PDZD2: variants seen among roughly 807,000 people sequenced by gnomAD.
PDZD2 encodes the protein PDZ domain-containing protein 2.
A neutral mutation model predicts 220.7 loss-of-function variants in PDZD2; 90 were observed. That is an observed-to-expected ratio of 0.41 (90% confidence interval 0.34 to 0.49). The LOEUF is 0.49. Among genes scored for constraint, PDZD2 ranks in the 20% least tolerant of loss-of-function variants. The pLI, the probability that PDZD2 is intolerant of heterozygous loss-of-function variation, is 0.28. For missense variants in PDZD2, 3,174 were observed against 3,608.5 expected (o/e 0.88, Z 3.08); for synonymous variants, 1,375 against 1,450.5 (o/e 0.95, Z 1.18).
chr5:32,098,631 A>G lies in PDZD2; in HGVS notation c.8215A>G (p.Ile2739Val). Residue 2739 changes from isoleucine to valine, a missense_variant, in exon 23 of 25, where the codon ATT (isoleucine) becomes GTT (valine). Ile to Val is a conservative substitution (Grantham distance 29). This residue lies in a region of PDZD2 where 631 missense variants were observed against 789.9 expected (regional missense o/e 0.80). Coordinates refer to ENST00000438447, the MANE Select transcript of PDZD2 (RefSeq NM_178140.4). This position sits in a 1 kb window ranked among gnomAD's most constrained non-coding sequence, Gnocchi z 4.1. ...AAAGACCATCCCCCTGGAGCCTGGC[A>G]TTGGTAAGATGATCATTTCAACAAC... Reference protein sequence around the residue: ...SRKTIPLEPGIGRSVAVHDAL... With the variant: ...SRKTIPLEPGVGRSVAVHDAL... The G allele has an allele frequency of 6.2e-7, 1 of 1,611,998 alleles. No homozygotes were observed. Among genetic ancestry groups the G allele is most frequent in the Non-Finnish European group, 8.5e-7 (1 of 1,178,836 alleles).
chr5:31,798,401 C>A (rs576207975), intron 1 of PDZD2, among the ~76,000 whole-genome samples: 1 of 152,252 alleles, frequency 6.6e-6, no homozygotes, highest in South Asian at 2.1e-4. Context: ...TGGTGTTGAT[C>A]GGATCTTTCT....
rs142973779 is a variant in PDZD2, at chr5:31,819,741, C to T, written c.476+20017C>T. 8.7e-4 allele frequency among the ~76,000 whole-genome samples: 132 copies of T among 151,436 alleles called. 1 individual carries two copies. In the East Asian group the frequency reaches 0.024, roughly 28 times the overall value. ...TATGAGTATATGTAATGGATACATT[C>T]GTAGAAGTGGGATCCTCAAATGAAT... On this transcript the variant is annotated intron_variant, in intron 2 of 24. Transcript: ENST00000438447.
chr5:31,659,328 A>G (rs796387072), intron 1 of PDZD2, among the ~76,000 whole-genome samples: 7 of 152,094 alleles, frequency 4.6e-5, no homozygotes, highest in African/African-American at 1.7e-4. Flanking sequence ...GTCACCACCT[A>G]TGTACTGATC....
At chr5:31,840,177 C>T (rs1269870018) in intron 2 of PDZD2, among the ~76,000 whole-genome samples, 1 of 151,670 alleles carries the variant, frequency 6.6e-6, no homozygotes, top group African/African-American at 2.4e-5. Context: ...CTTGAGACTG[C>T]GGTGAGCCGT....
intron 6 of PDZD2, among the ~76,000 whole-genome samples, chr5:32,030,916 G>A (rs10223302): frequency 0.022 from 3,307 of 152,182 alleles, 119 homozygotes; most frequent in African/African-American, 0.076. Flanking sequence ...CGATAACTGT[G>A]TTCTGTTAGA....
At chr5:31,657,602 A>C (rs1222320760) in intron 1 of PDZD2, among the ~76,000 whole-genome samples, 1 of 152,170 alleles carries the variant, frequency 6.6e-6, no homozygotes, top group Admixed American at 6.5e-5. Flanking sequence ...AAGGTCCTGC[A>C]CTTGAATCTG....
At chr5:31,730,468 G>A (rs1749456921) in intron 1 of PDZD2, among the ~76,000 whole-genome samples, 1 of 152,142 alleles carries the variant, frequency 6.6e-6, no homozygotes, top group South Asian at 2.1e-4. Flanking sequence ...CACAGGAGAG[G>A]GTCGGCCCTC....
At chr5:31,867,226 A>G (rs187930780) in intron 2 of PDZD2, among the ~76,000 whole-genome samples, 1 of 152,336 alleles carries the variant, frequency 6.6e-6, no homozygotes, top group Admixed American at 6.5e-5. Context: ...GCTCATAAAA[A>G]AACCTAATGG....
intron 2 of PDZD2, among the ~76,000 whole-genome samples, chr5:31,861,461 T>A (rs1737700682): frequency 6.6e-6 from 1 of 152,194 alleles, no homozygotes; most frequent in Admixed American, 6.5e-5. Context: ...AGAATTCCTC[T>A]CTACTCTATT....
At chr5:31,739,368 CA>C (rs1028086676) in intron 1 of PDZD2, among the ~76,000 whole-genome samples, 15 of 146,914 alleles carry the variant, frequency 1.0e-4, no homozygotes, top group East Asian at 7.9e-4. Context: ...TTTATGGTAG[CA>C]AAAAAAAATG....
At chr5:31,718,492 G>A (rs1306054189) in intron 1 of PDZD2, among the ~76,000 whole-genome samples, 2 of 152,212 alleles carry the variant, frequency 1.3e-5, no homozygotes, top group Non-Finnish European at 2.9e-5. Flanking sequence ...TTATCCCACA[G>A]TTCTGGAGGT....
chr5:31,956,758 C>CAAAA (rs70957986), intron 2 of PDZD2, among the ~76,000 whole-genome samples: 1 of 73,704 alleles, frequency 1.4e-5, no homozygotes, highest in Non-Finnish European at 2.4e-5. Context: ...GACTCCATCT[C>CAAAA]AAAAAAAAAA....
chr5:31,671,505 C>T (rs1055466050), intron 1 of PDZD2, among the ~76,000 whole-genome samples: 1 of 152,144 alleles, frequency 6.6e-6, no homozygotes, highest in Non-Finnish European at 1.5e-5. Flanking sequence ...CTCATAGCAG[C>T]GGCACAACCT....
At chr5:32,062,189 A>G (rs1419096181) in intron 14 of PDZD2, among the ~76,000 whole-genome samples, 1 of 152,248 alleles carries the variant, frequency 6.6e-6, no homozygotes, top group Non-Finnish European at 1.5e-5. Context: ...TTGAAATTCA[A>G]ATAAATGAAA....
At chr5:31,777,533 C>T (rs907786099) in intron 1 of PDZD2, among the ~76,000 whole-genome samples, 4 of 152,248 alleles carry the variant, frequency 2.6e-5, no homozygotes, top group African/African-American at 9.6e-5. Flanking sequence ...GGCAGCTCTG[C>T]CCTTATGGCC....
chr5:31,903,450 C>A (rs1039106884), intron 2 of PDZD2, among the ~76,000 whole-genome samples: 1 of 151,410 alleles, frequency 6.6e-6, no homozygotes, highest in Non-Finnish European at 1.5e-5. Flanking sequence ...AGTTTGAGAC[C>A]GACCTGGGCA....
chr5:31,666,387 G>A (rs1017145030), intron 1 of PDZD2, among the ~76,000 whole-genome samples: 2 of 152,144 alleles, frequency 1.3e-5, no homozygotes, highest in Admixed American at 6.5e-5. Flanking sequence ...TCCTGCAGCC[G>A]AGCTTATCTC....
At chr5:31,990,929 T>C (rs1313303614) in intron 3 of PDZD2, among the ~76,000 whole-genome samples, 1 of 152,064 alleles carries the variant, frequency 6.6e-6, no homozygotes, top group Non-Finnish European at 1.5e-5. Flanking sequence ...AAAGAGGCGA[T>C]GTTTGAGCTG....
intron 1 of PDZD2, among the ~76,000 whole-genome samples, chr5:31,662,877 G>T (rs551876971): frequency 1.3e-5 from 2 of 152,156 alleles, no homozygotes; most frequent in Admixed American, 6.5e-5. Flanking sequence ...TGATCCACCC[G>T]CTGTGGCCTC....
Sources: gnomAD v4.1 joint callset for allele counts (sites outside exome capture counted in the v4.1 genomes callset) on GRCh38, gnomAD v4.1.1 for gene constraint, gnomAD v4.1.1 regional missense constraint, Gnocchi (gnomAD v3.1) non-coding constraint, MANE v1.5 for transcripts, NCBI Gene and HGNC (gene_info 2026-07-23, HGNC 2026-07-21) for gene names.